Variants in GARNL3 observed in about 807,000 individuals in gnomAD.
GARNL3 encodes the protein GTPase-activating Rap/Ran-GAP domain-like protein 3.
Under a neutral mutation model 125.0 loss-of-function variants are expected in GARNL3, and 63 were observed. That is an observed-to-expected ratio of 0.50 (90% CI 0.41 to 0.62). GARNL3 has a LOEUF of 0.62. GARNL3 is among the 20% of genes least tolerant of loss of function. The pLI is 0.00. For synonymous variants in GARNL3, 439 were observed against 457.5 expected (o/e 0.96, Z 0.52); for missense variants, 994 against 1,244.0 (o/e 0.80, Z 3.02).
Position 127,379,908 on chromosome 9 carries a change from G to A in GARNL3, c.2162-3530G>A, listed in dbSNP as rs148538306. 2.4e-3 allele frequency among the ~76,000 whole-genome samples: 363 copies of A among 152,172 alleles called. 2 individuals are homozygous for A. Among genetic ancestry groups the A allele is most frequent in the African/African-American group, 7.8e-3 (322 of 41,498 alleles). On this transcript the variant is annotated intron_variant, in intron 22 of 27. Transcript: ENST00000373387. Reference sequence around the variant, plus strand: ...AATGCTATCAGTACTGGCCGGGTGCGGTGGCTCACACTTGTAATCCCAGCG... The same window carrying A: ...AATGCTATCAGTACTGGCCGGGTGCAGTGGCTCACACTTGTAATCCCAGCG...
chr9:127,317,130 T>C (rs1564133426), intron 4 of GARNL3, among the ~76,000 whole-genome samples: 2 of 152,210 alleles, frequency 1.3e-5, no homozygotes, highest in Non-Finnish European at 2.9e-5. Flanking sequence ...CATCTGTTCC[T>C]GGGTGGTGTG....
rs776073105 is a variant in GARNL3, at chr9:127,264,926, A to G, written c.49A>G (p.Ile17Val). 1 of 1,613,466 alleles carries G rather than the reference A, an allele frequency of 6.2e-7. No homozygotes were observed. Among genetic ancestry groups the G allele is most frequent in the East Asian group, 2.2e-5 (1 of 44,858 alleles). ...GTTTGTGGCCAGATCGCTATGTATA[A>G]TACTGATGAAGCATTTTTGTTCCAG... ...RRFVARSLCI[I>V]LMKHFCSSSV... The change falls in exon 1 of 28, where the codon ATA becomes GTA. Residue 17 changes from isoleucine (I) to valine (V), a missense_variant. This residue lies in a region of GARNL3 where 37 missense variants were observed against 34.2 expected (regional missense o/e 1.08). Transcript: ENST00000373387.
intron 22 of GARNL3, among the ~76,000 whole-genome samples, chr9:127,377,405 AAGTC>A (rs1831978905): frequency 6.6e-6 from 1 of 152,226 alleles, no homozygotes; most frequent in African/African-American, 2.4e-5. Context: ...GAAATATAAA[AAGTC>A]AGTGTCTGAA....
rs769788720 is a variant in GARNL3 at position 127,348,969 on chromosome 9, G to A, written c.1477G>A (p.Val493Met). Residue 493 changes from valine to methionine, a missense_variant, in exon 17 of 28, where the codon GTG becomes ATG. Physicochemically the swap from Val to Met is conservative, Grantham distance 21 (BLOSUM62 1). This residue lies in a region of GARNL3 where 728 missense variants were observed against 865.7 expected (regional missense o/e 0.84). Coordinates refer to ENST00000373387, the MANE Select transcript of GARNL3 (RefSeq NM_032293.5). The stretch of plus-strand genomic sequence containing the variant: ...CTGCAGTAATTTCCCTCATGAAGCC[G>A]TGTGTGCAGATCCCTGGGGCCAGGC... ...CFCSNFPHEA[V>M]CADPWGQALL... 1.2e-5 allele frequency: 20 copies of A among 1,613,796 alleles called. No individual in the cohort carries two copies. The highest frequency in any genetic ancestry group is 3.3e-5 in the Admixed American group (2 of 59,970).
intron 2 of GARNL3, among the ~76,000 whole-genome samples, chr9:127,252,534 C>T (rs2063424324): frequency 1.3e-5 from 2 of 152,166 alleles, no homozygotes; most frequent in East Asian, 3.9e-4. Context: ...CCATCAAACC[C>T]CATTATATAG....
intron 16 of GARNL3, among the ~76,000 whole-genome samples, chr9:127,346,449 A>G (rs1442060158): frequency 6.6e-6 from 1 of 152,224 alleles, no homozygotes; most frequent in African/African-American, 2.4e-5. Flanking sequence ...TTCAGACAAG[A>G]CTACTGGAAA....
At chr9:127,239,733 G>A (rs146550189) in intron 1 of GARNL3, among the ~76,000 whole-genome samples, 1 of 152,012 alleles carries the variant, frequency 6.6e-6, no homozygotes, top group African/African-American at 2.4e-5. Context: ...TAGAAAGTTA[G>A]GACTAGAAAA....
intron 22 of GARNL3, among the ~76,000 whole-genome samples, chr9:127,368,193 G>A (rs1183783171): frequency 6.6e-6 from 1 of 151,676 alleles, no homozygotes; most frequent in Non-Finnish European, 1.5e-5. Context: ...CACTCTGGCT[G>A]CTGTGGGGCA....
chr9:127,341,627 A>C (rs575265631), intron 13 of GARNL3, among the ~76,000 whole-genome samples: 26 of 152,238 alleles, frequency 1.7e-4, no homozygotes, highest in African/African-American at 6.0e-4. Flanking sequence ...GACAGCATTC[A>C]CTGTAGGGGG....
At chr9:127,351,937 T>C (rs559905071) in intron 17 of GARNL3, among the ~76,000 whole-genome samples, 5 of 152,294 alleles carry the variant, frequency 3.3e-5, no homozygotes, top group South Asian at 2.1e-4. Flanking sequence ...TCCTCCTCCT[T>C]CTTGTGTTGT....
At chr9:127,308,612 T>C (rs1401852525) in intron 2 of GARNL3, among the ~76,000 whole-genome samples, 1 of 152,122 alleles carries the variant, frequency 6.6e-6, no homozygotes, top group Non-Finnish European at 1.5e-5. Flanking sequence ...AGTGGAAATG[T>C]TGCAGATGAA....
chr9:127,290,426 G>A (rs1052507599), intron 1 of GARNL3, among the ~76,000 whole-genome samples: 3 of 152,228 alleles, frequency 2.0e-5, no homozygotes, highest in Non-Finnish European at 4.4e-5. Flanking sequence ...CAGGGCAGAT[G>A]CGTTCTGATG....
At chr9:127,275,518 CAG>C (rs2131309096) in intron 1 of GARNL3, among the ~76,000 whole-genome samples, 1 of 152,356 alleles carries the variant, frequency 6.6e-6, no homozygotes, top group East Asian at 1.9e-4. Context: ...TCTCCTGTCT[CAG>C]GGCAAGTTTC....
intron 9 of GARNL3, among the ~76,000 whole-genome samples, chr9:127,334,418 C>G (rs937061784): frequency 7.9e-5 from 12 of 152,192 alleles, no homozygotes; most frequent in Non-Finnish European, 8.8e-5. Context: ...TTCCCACCAG[C>G]CTGCCATGGC....
intron 21 of GARNL3, among the ~76,000 whole-genome samples, chr9:127,359,203 C>T (rs1336709012): frequency 3.9e-5 from 6 of 152,040 alleles, no homozygotes; most frequent in Non-Finnish European, 8.8e-5. Context: ...AGTTCTCACC[C>T]TCTTGGCCGG....
At chr9:127,368,217 TA>T (rs113438069) in intron 22 of GARNL3, among the ~76,000 whole-genome samples, 22 of 151,322 alleles carry the variant, frequency 1.5e-4, no homozygotes, top group African/African-American at 4.4e-4. Flanking sequence ...GCCGAAGGGG[TA>T]GGGGTAGGGA....
At chr9:127,379,886 G>A (rs1832144709) in intron 22 of GARNL3, among the ~76,000 whole-genome samples, 1 of 152,078 alleles carries the variant, frequency 6.6e-6, no homozygotes, top group Non-Finnish European at 1.5e-5. Context: ...ATACCAAAAT[G>A]CTATCAGTAC....
intron 20 of GARNL3, among the ~76,000 whole-genome samples, chr9:127,356,169 A>G (rs1177357230): frequency 6.6e-6 from 1 of 152,206 alleles, no homozygotes; most frequent in East Asian, 1.9e-4. Flanking sequence ...GGTTTTGAAA[A>G]GATTGTCCTG....
At chr9:127,269,604 G>A (rs976083386) in intron 1 of GARNL3, among the ~76,000 whole-genome samples, 2 of 152,132 alleles carry the variant, frequency 1.3e-5, no homozygotes, top group African/African-American at 2.4e-5. Context: ...TAAAATAATA[G>A]TCATTGTAAT....
Sources: allele counts gnomAD v4.1 joint callset (sites outside exome capture counted in the v4.1 genomes callset), GRCh38; gene constraint gnomAD v4.1.1; regional missense constraint gnomAD v4.1.1; transcripts MANE v1.5; gene names NCBI Gene and HGNC (gene_info 2026-07-23, HGNC 2026-07-21).